Variants in TRAPPC12 observed in about 807,000 individuals in gnomAD.
TRAPPC12 encodes the protein trafficking protein particle complex subunit 12.
A neutral mutation model predicts 69.2 loss-of-function variants in TRAPPC12; 61 were observed. The ratio of observed to expected loss-of-function variants is 0.88; its 90% CI spans 0.72 to 1.09. TRAPPC12 has a LOEUF of 1.09. TRAPPC12 is among the 50% of genes least tolerant of loss of function. TRAPPC12 has a pLI of 0.00. For synonymous variants in TRAPPC12, 469 were observed against 438.9 expected, an observed-to-expected ratio of 1.07 and a Z score of -0.86; for missense variants, 1,101 against 1,016.4, an observed-to-expected ratio of 1.08 and a Z score of -1.13.
At chr2:3,462,723 T>G (rs1372371934) in intron 8 of TRAPPC12, 1 of 345,122 alleles carries the variant, frequency 2.9e-6, no homozygotes, top group African/African-American at 2.2e-5. Context: ...CTTCCTCTCC[T>G]TAGGCCTCAC....
intron 3 of TRAPPC12, among the ~76,000 whole-genome samples, chr2:3,420,930 G>T (rs1662745371): frequency 6.6e-6 from 1 of 152,142 alleles, no homozygotes; most frequent in South Asian, 2.1e-4. Context: ...AAATCATTTA[G>T]CTAATTCTTG....
At chr2:3,460,538 A>G (rs1202064597) in intron 8 of TRAPPC12, 3 of 494,526 alleles carry the variant, frequency 6.1e-6, no homozygotes, top group East Asian at 6.5e-5. Flanking sequence ...TTTCAACAGA[A>G]TGTAGAATTT....
intron 10 of TRAPPC12, 87 bp downstream of exon 10, chr2:3,477,882 G>A: frequency 1.2e-6 from 1 of 817,760 alleles, no homozygotes. Context: ...GCTCCCTAGA[G>A]AAGGCGCTTC....
At chr2:3,435,640 C>T (rs1039276328) in intron 5 of TRAPPC12, among the ~76,000 whole-genome samples, 1 of 152,170 alleles carries the variant, frequency 6.6e-6, no homozygotes, top group African/African-American at 2.4e-5. Flanking sequence ...GCTCCAGCAG[C>T]GCAGAGTCCA....
Position 3,379,758 on chromosome 2 carries a change from T to C in TRAPPC12, c.-123T>C, listed in dbSNP as rs772239119. 1.3e-5 allele frequency: 2 copies of C among 152,538 alleles called. No homozygotes were observed. The highest frequency in any genetic ancestry group is 4.8e-5 in the African/African-American group (2 of 41,462). The allele number at this position is 152,538 out of a possible 1,614,324, so 9.4% of individuals were successfully genotyped here. ...CGCCGCGGCCCGGCACGCGCAGGCG[T>C]ACAGAGCTCCCCGGGGGTGCCAGTT... On this transcript the variant is annotated 5_prime_UTR_variant, in exon 1 of 12. Coordinates refer to ENST00000324266, the MANE Select transcript of TRAPPC12 (RefSeq NM_016030.6).
chr2:3,441,101 T>G (rs1664177222), intron 5 of TRAPPC12, among the ~76,000 whole-genome samples: 1 of 152,222 alleles, frequency 6.6e-6, no homozygotes, highest in Admixed American at 6.5e-5. Context: ...GCTAATTTTG[T>G]TGAAGATTTT....
intron 8 of TRAPPC12, among the ~76,000 whole-genome samples, chr2:3,463,454 T>G (rs960085663): frequency 3.3e-5 from 5 of 151,360 alleles, no homozygotes; most frequent in Non-Finnish European, 7.4e-5. Flanking sequence ...GGAATCCAGC[T>G]TCCTCTCACA....
At chr2:3,458,319 G>GCCCCA in intron 7 of TRAPPC12, 1 of 986,520 alleles carries the variant, frequency 1.0e-6, no homozygotes, top group Non-Finnish European at 1.2e-6. Context: ...CTCCCAGGTA[G>GCCCCA]CCCCACCCTA....
At chr2:3,381,788 C>T (rs1292551490) in intron 1 of TRAPPC12, among the ~76,000 whole-genome samples, 1 of 152,238 alleles carries the variant, frequency 6.6e-6, no homozygotes, top group Non-Finnish European at 1.5e-5. Context: ...CAGTCAAGCT[C>T]TCCTGCCATC....
intron 2 of TRAPPC12, among the ~76,000 whole-genome samples, chr2:3,400,616 C>T (rs969280283): frequency 6.6e-5 from 10 of 152,214 alleles, no homozygotes; most frequent in African/African-American, 2.2e-4. Context: ...TCTCCTGCCG[C>T]CCGTGGAGAG....
intron 5 of TRAPPC12, among the ~76,000 whole-genome samples, chr2:3,425,134 G>A (rs1011160548): frequency 1.6e-4 from 25 of 152,210 alleles, no homozygotes; most frequent in Non-Finnish European, 1.3e-4. Flanking sequence ...TCACGGTCAC[G>A]ACCATTGTTT....
intron 3 of TRAPPC12, among the ~76,000 whole-genome samples, chr2:3,408,465 A>G (rs911513690): frequency 6.6e-5 from 10 of 152,116 alleles, no homozygotes; most frequent in African/African-American, 2.2e-4. Context: ...CGCCTCTACT[A>G]AAAGTACAAA....
At chr2:3,385,022 C>T (rs1016808566) in intron 1 of TRAPPC12, among the ~76,000 whole-genome samples, 1 of 152,062 alleles carries the variant, frequency 6.6e-6, no homozygotes, top group Non-Finnish European at 1.5e-5. Flanking sequence ...TAAGGAAACC[C>T]TTGAAGTGAA....
intron 5 of TRAPPC12, among the ~76,000 whole-genome samples, chr2:3,428,740 GA>G (rs754451143): frequency 1.3e-5 from 2 of 152,124 alleles, no homozygotes; most frequent in Non-Finnish European, 2.9e-5. Flanking sequence ...GTTGTTTGGA[GA>G]CTCCCTCCTG....
chr2:3,460,301 A>G lies in TRAPPC12; in HGVS notation c.1642A>G (p.Met548Val), dbSNP rs1665413859. 2 of 874,616 alleles carry G rather than the reference A, an allele frequency of 2.3e-6. No individual in the cohort carries two copies. Among genetic ancestry groups the G allele is most frequent in the South Asian group, 2.6e-5 (2 of 76,566 alleles). The allele number at this position is 874,616 out of a possible 1,614,324, so 54.2% of individuals were successfully genotyped here. Residue 548 changes from methionine (M) to valine (V), a missense_variant, in exon 8 of 12, where the codon ATG becomes GTG. Transcript: ENST00000324266. Reference sequence around the variant, plus strand: ...GTGGAGGTCACGTCTGGGCCGGGTGATGTACTCCATGGCAAACTGTCTGCT... The same window carrying G: ...GTGGAGGTCACGTCTGGGCCGGGTGGTGTACTCCATGGCAAACTGTCTGCT... ...RLWRSRLGRV[M>V]YSMANCLLLM... is the part of the protein sequence containing the mutation.
intron 2 of TRAPPC12, among the ~76,000 whole-genome samples, chr2:3,397,799 A>C (rs1430537335): frequency 6.6e-6 from 1 of 152,232 alleles, no homozygotes; most frequent in Non-Finnish European, 1.5e-5. Flanking sequence ...TTAATAATTT[A>C]GCAAAATAAG....
rs556087671 is a variant in TRAPPC12, at chr2:3,414,119, C to G, written c.1165-7762C>G. Among the ~76,000 whole-genome samples, 2 of 152,254 alleles carry G rather than the reference C, an allele frequency of 1.3e-5. No homozygotes were observed. The highest frequency in any genetic ancestry group is 3.9e-4 in the East Asian group (2 of 5,184). ...TAGGTACCCCTCACACATTTTTAAG[C>G]TATCTAAAATGTTTTATCATAAATT... On this transcript the variant is annotated intron_variant, in intron 3 of 11. Coordinates refer to ENST00000324266, the MANE Select transcript of TRAPPC12 (RefSeq NM_016030.6). The surrounding 1 kb of genome is among the most constrained non-coding windows in gnomAD (Gnocchi z 4.9).
At chr2:3,463,846 C>T (rs1260151981) in intron 8 of TRAPPC12, among the ~76,000 whole-genome samples, 1 of 152,134 alleles carries the variant, frequency 6.6e-6, no homozygotes, top group Non-Finnish European at 1.5e-5. Flanking sequence ...GGGATTAGAA[C>T]AGACATTGCC....
intron 3 of TRAPPC12, among the ~76,000 whole-genome samples, chr2:3,418,369 C>G (rs1662567930): frequency 6.6e-6 from 1 of 152,228 alleles, no homozygotes; most frequent in Non-Finnish European, 1.5e-5. Flanking sequence ...AGGAGCATCT[C>G]CATTCCTGTG....
Sources: allele counts gnomAD v4.1 joint callset (sites outside exome capture counted in the v4.1 genomes callset), GRCh38; gene constraint gnomAD v4.1.1; non-coding constraint Gnocchi (gnomAD v3.1); transcripts MANE v1.5; gene names NCBI Gene and HGNC (gene_info 2026-07-23, HGNC 2026-07-21).